LRRC8D: variants seen among roughly 807,000 people sequenced by gnomAD.
LRRC8D encodes leucine rich repeat containing 8 VRAC subunit D, also known as volume-regulated anion channel subunit LRRC8D.
LRRC8D carries 20 observed loss-of-function variants against 55.8 expected under a neutral mutation model. The ratio of observed to expected loss-of-function variants is 0.36; its 90% CI spans 0.25 to 0.52. The LOEUF (loss-of-function observed/expected upper bound fraction) is 0.52. LRRC8D is among the 20% of genes least tolerant of loss of function. LRRC8D has a pLI of 0.93. For missense variants in LRRC8D, 651 were observed against 1,030.8 expected (o/e 0.63, Z 5.05); for synonymous variants, 352 against 377.0 (o/e 0.93, Z 0.77).
At chr1:89,893,307 A>G (rs1234052898) in intron 2 of LRRC8D, among the ~76,000 whole-genome samples, 1 of 152,222 alleles carries the variant, frequency 6.6e-6, no homozygotes, top group Non-Finnish European at 1.5e-5. Context: ...TGAGCTTGGC[A>G]TATTCAAAGA....
chr1:89,850,397 A>G (rs1661383830), intron 2 of LRRC8D, among the ~76,000 whole-genome samples: 1 of 152,192 alleles, frequency 6.6e-6, no homozygotes, highest in South Asian at 2.1e-4. Flanking sequence ...CCTAGTACCC[A>G]TTAGTTATTT....
intron 2 of LRRC8D, among the ~76,000 whole-genome samples, chr1:89,871,903 A>C (rs1662014697): frequency 6.6e-6 from 1 of 151,922 alleles, no homozygotes; most frequent in Non-Finnish European, 1.5e-5. Context: ...TTGCTTGCTT[A>C]CTCCTAAATA....
intron 2 of LRRC8D, among the ~76,000 whole-genome samples, chr1:89,923,914 A>T (rs144581190): frequency 6.6e-6 from 1 of 152,374 alleles, no homozygotes; most frequent in Non-Finnish European, 1.5e-5. Context: ...CTTTCACCAT[A>T]TACAAAAACT....
At chr1:89,853,274 A>T (rs1431431568) in intron 2 of LRRC8D, among the ~76,000 whole-genome samples, 1 of 152,240 alleles carries the variant, frequency 6.6e-6, no homozygotes, top group East Asian at 1.9e-4. Flanking sequence ...GATGGAAAAC[A>T]TAAGAAGTTT....
chr1:89,852,428 A>G (rs1025729298), intron 2 of LRRC8D, among the ~76,000 whole-genome samples: 2 of 152,126 alleles, frequency 1.3e-5, no homozygotes, highest in Non-Finnish European at 2.9e-5. Context: ...TCAACAGGAG[A>G]CATTTGCTGA....
At chr1:89,873,033 A>G (rs1054111388) in intron 2 of LRRC8D, among the ~76,000 whole-genome samples, 1 of 152,196 alleles carries the variant, frequency 6.6e-6, no homozygotes, top group Non-Finnish European at 1.5e-5. Flanking sequence ...AAATTTACTT[A>G]TTCTGTCCAG....
At chr1:89,838,422 A>G (rs1661052788) in intron 1 of LRRC8D, among the ~76,000 whole-genome samples, 1 of 152,192 alleles carries the variant, frequency 6.6e-6, no homozygotes. Context: ...AATTAAAACA[A>G]TGTTTCAAAT....
In LRRC8D at chr1:89,936,150, C is replaced by T. The variant is rs1183276281; in HGVS notation, c.*505C>T. Reference sequence around the variant, plus strand: ...TTATTTCCTGTTTTAATTTAAAGTGCCTCAAGTAAGCACCTCTCACAACAG... The same window carrying T: ...TTATTTCCTGTTTTAATTTAAAGTGTCTCAAGTAAGCACCTCTCACAACAG... On this transcript the variant is annotated 3_prime_UTR_variant, in exon 3 of 3. Coordinates refer to ENST00000337338, the MANE Select transcript of LRRC8D (RefSeq NM_001134479.2). 1 of 169,974 alleles carries T rather than the reference C, an allele frequency of 5.9e-6. No individual in the cohort carries two copies. Among genetic ancestry groups the T allele is most frequent in the Non-Finnish European group, 1.4e-5 (1 of 70,166 alleles). The allele number at this position is 169,974 out of a possible 1,614,324, so 10.5% of individuals were successfully genotyped here.
rs1663861360 is a variant in LRRC8D at position 89,936,514 on chromosome 1, A to G, written c.*869A>G. 1 of 152,402 alleles carries G rather than the reference A, an allele frequency of 6.6e-6. No homozygotes were observed. The highest frequency in any genetic ancestry group is 1.5e-5 in the Non-Finnish European group (1 of 68,022). 9.4% of individuals were successfully genotyped at this position (152,402 alleles called of 1,614,324 possible). A position where few individuals can be genotyped will look rare whatever the true frequency, so the allele number is the denominator to read the frequency against. ...AACACAGAATCACAAGTATCATTTA[A>G]TTTCTTGCCCTTTTCAGTGTTGTTC... On this transcript the variant is annotated 3_prime_UTR_variant, in exon 3 of 3. Coordinates refer to ENST00000337338, the MANE Select transcript of LRRC8D (RefSeq NM_001134479.2).
chr1:89,916,304 C>G (rs1663267572), intron 2 of LRRC8D, among the ~76,000 whole-genome samples: 1 of 152,128 alleles, frequency 6.6e-6, no homozygotes, highest in African/African-American at 2.4e-5. Context: ...AAGAGCTGCA[C>G]AAATAGATGC....
At chr1:89,867,133 G>A (rs1047078590) in intron 2 of LRRC8D, among the ~76,000 whole-genome samples, 2 of 151,954 alleles carry the variant, frequency 1.3e-5, no homozygotes, top group Non-Finnish European at 2.9e-5. Flanking sequence ...TTTATCACCC[G>A]AAAAGAAACT....
chr1:89,878,892 A>G (rs768316495), intron 2 of LRRC8D, among the ~76,000 whole-genome samples: 1 of 150,678 alleles, frequency 6.6e-6, no homozygotes, highest in African/African-American at 2.4e-5. Flanking sequence ...ACTTGAACCC[A>G]GGAGGCAGAG....
chr1:89,933,793 G>C lies in LRRC8D; in HGVS notation c.725G>C (p.Ser242Thr), dbSNP rs770473399. The C allele has an allele frequency of 6.2e-7, 1 of 1,614,156 alleles. No individual in the cohort carries two copies. ...CTACCAAAGCATGTTTCTACCAGCA[G>C]TGATGAAGGGAGCCCCAGTGCCAGT... ...QTLPKHVSTSSDEGSPSASTP... is the reference protein window; with the variant it reads ...QTLPKHVSTSTDEGSPSASTP... The change falls in exon 3 of 3, where the codon AGT becomes ACT. Residue 242 changes from serine to threonine, a missense_variant. Ser to Thr is a moderately conservative substitution (Grantham distance 58). Coordinates refer to ENST00000337338, the MANE Select transcript of LRRC8D (RefSeq NM_001134479.2). This position sits in a 1 kb window ranked among gnomAD's most constrained non-coding sequence, Gnocchi z 7.0.
intron 2 of LRRC8D, among the ~76,000 whole-genome samples, chr1:89,916,990 C>CCA (rs1329160669): frequency 6.6e-6 from 1 of 152,152 alleles, no homozygotes; most frequent in African/African-American, 2.4e-5. Flanking sequence ...GAAACATTAT[C>CCA]TGTGTTCCTA....
chr1:89,920,425 A>G (rs977206613), intron 2 of LRRC8D, among the ~76,000 whole-genome samples: 3 of 152,174 alleles, frequency 2.0e-5, no homozygotes, highest in Non-Finnish European at 2.9e-5. Flanking sequence ...TCTGAGATTG[A>G]TAAGTTTTAT....
chr1:89,842,258 G>C (rs1049077776), intron 1 of LRRC8D, among the ~76,000 whole-genome samples: 2 of 150,668 alleles, frequency 1.3e-5, no homozygotes, highest in African/African-American at 4.9e-5. Flanking sequence ...GTAGGAATTC[G>C]CAGTGTAGGG....
intron 2 of LRRC8D, among the ~76,000 whole-genome samples, chr1:89,909,867 A>G (rs1378531429): frequency 1.1e-5 from 1 of 87,124 alleles, no homozygotes; most frequent in Non-Finnish European, 2.6e-5. Context: ...CTCCGTCTCA[A>G]AAAAAAAAAA....
At chr1:89,912,565 C>G (rs1174291512) in intron 2 of LRRC8D, among the ~76,000 whole-genome samples, 2 of 152,132 alleles carry the variant, frequency 1.3e-5, no homozygotes, top group African/African-American at 4.8e-5. Flanking sequence ...TTTGAGACAG[C>G]CCTCATTAGT....
chr1:89,821,327 T>C (rs1372299742), intron 1 of LRRC8D, 36 bp downstream of exon 1: 3 of 151,970 alleles, frequency 2.0e-5, no homozygotes, highest in Non-Finnish European at 4.4e-5. Context: ...GGCCGGGGGC[T>C]GCGAGGGAAG....
Sources: allele counts gnomAD v4.1 joint callset (sites outside exome capture counted in the v4.1 genomes callset), GRCh38; gene constraint gnomAD v4.1.1; non-coding constraint Gnocchi (gnomAD v3.1); transcripts MANE v1.5; gene names NCBI Gene and HGNC (gene_info 2026-07-23, HGNC 2026-07-21).